DDX59: variants seen among roughly 807,000 people sequenced by gnomAD.
The protein encoded by DDX59 is DEAD-box helicase 59.
Under a neutral mutation model 51.9 loss-of-function variants are expected in DDX59, and 30 were observed. That is an observed-to-expected ratio of 0.58 (90% CI 0.43 to 0.78). DDX59 has a LOEUF of 0.78. Among genes scored for constraint, DDX59 ranks in the 30% least tolerant of loss-of-function variants. The pLI is 0.00. For missense variants in DDX59, 672 were observed against 730.8 expected, an observed-to-expected ratio of 0.92 and a Z score of 0.93; for synonymous variants, 255 against 253.3, an observed-to-expected ratio of 1.01 and a Z score of -0.06.
At chr1:200,668,827 A>G (rs1180214166) in intron 1 of DDX59, among the ~76,000 whole-genome samples, 1 of 152,232 alleles carries the variant, frequency 6.6e-6, no homozygotes, top group African/African-American at 2.4e-5. Flanking sequence ...GGTCTCCACA[A>G]TCCTTTATCT....
intron 5 of DDX59, among the ~76,000 whole-genome samples, chr1:200,649,804 G>A (rs1164611872): frequency 1.3e-5 from 2 of 151,526 alleles, no homozygotes; most frequent in Non-Finnish European, 2.9e-5. Flanking sequence ...AGCTCTACAT[G>A]CTGCTACCAA....
Position 200,666,120 on chromosome 1 carries a change from A to G in DDX59, c.621T>C (p.His207=), listed in dbSNP as rs932070473. Residue 207 remains histidine, a synonymous_variant, in exon 2 of 8, where the codon CAT becomes CAC. Coordinates refer to ENST00000331314, the MANE Select transcript of DDX59 (RefSeq NM_001031725.6). ...EVTRPIIDFE[H]CSLPEVLNHN... Reference sequence around the variant, plus strand: ...GATTTAAGACCTCAGGGAGACTACAATGTTCAAAGTCAATAATGGGCCTGG... The same window carrying G: ...GATTTAAGACCTCAGGGAGACTACAGTGTTCAAAGTCAATAATGGGCCTGG... 33 of 1,614,090 alleles carry G rather than the reference A, an allele frequency of 2.0e-5. No homozygotes were observed. The highest frequency in any genetic ancestry group is 3.3e-5 in the Admixed American group (2 of 60,000).
intron 4 of DDX59, among the ~76,000 whole-genome samples, chr1:200,656,017 A>T (rs1661999923): frequency 6.6e-6 from 1 of 152,134 alleles, no homozygotes; most frequent in South Asian, 2.1e-4. Flanking sequence ...TTTAGTAAAG[A>T]TGGGGTTTCT....
At chr1:200,652,436 C>A (rs894211303) in intron 4 of DDX59, among the ~76,000 whole-genome samples, 1 of 151,950 alleles carries the variant, frequency 6.6e-6, no homozygotes, top group African/African-American at 2.4e-5. Flanking sequence ...TGCAGTGGTG[C>A]CACCTTGGCT....
intron 4 of DDX59, among the ~76,000 whole-genome samples, chr1:200,653,945 C>T (rs1166071656): frequency 6.6e-6 from 1 of 152,210 alleles, no homozygotes; most frequent in African/African-American, 2.4e-5. Flanking sequence ...CTACACGAGA[C>T]AGTTTGTGTG....
intron 5 of DDX59, 37 bp downstream of exon 5, chr1:200,650,388 C>A: frequency 6.4e-7 from 1 of 1,573,288 alleles, no homozygotes; most frequent in Non-Finnish European, 8.6e-7. Context: ...AATGCAAACA[C>A]AATCCATAAA....
At chr1:200,669,295 C>A (rs1001291630) in intron 1 of DDX59, among the ~76,000 whole-genome samples, 1 of 151,362 alleles carries the variant, frequency 6.6e-6, no homozygotes, top group Admixed American at 6.6e-5. Context: ...AAAATTCCAA[C>A]AGAAATGCAA....
rs1661141300 is a variant in DDX59, at chr1:200,644,142, A to T, written c.*112T>A. 2.3e-6 allele frequency: 2 copies of T among 854,592 alleles called. No individual in the cohort carries two copies. Among genetic ancestry groups the T allele is most frequent in the African/African-American group, 1.8e-5 (1 of 56,834 alleles). 52.9% of individuals were successfully genotyped at this position (854,592 alleles called of 1,614,324 possible). On this transcript the variant is annotated 3_prime_UTR_variant, in exon 8 of 8. Transcript: ENST00000331314. ...ACAATATAGTTATATAAATTTTATT[A>T]AATTAAAAATATCTTAAAATTTTTA...
chr1:200,643,798 A>T (rs1170391400), downstream of DDX59, among the ~76,000 whole-genome samples: 1 of 152,166 alleles, frequency 6.6e-6, no homozygotes, highest in Non-Finnish European at 1.5e-5. Flanking sequence ...CTGAGAATGA[A>T]AGTAGACATT....
intron 7 of DDX59, among the ~76,000 whole-genome samples, chr1:200,647,922 C>T (rs1228735128): frequency 4.8e-5 from 7 of 145,696 alleles, no homozygotes; most frequent in African/African-American, 1.8e-4. Context: ...TGCAGTGAGC[C>T]GAGATCATGC....
intron 4 of DDX59, among the ~76,000 whole-genome samples, chr1:200,658,006 G>A (rs1662141120): frequency 6.6e-6 from 1 of 152,200 alleles, no homozygotes; most frequent in Non-Finnish European, 1.5e-5. Flanking sequence ...CTCATGGGAG[G>A]TGGAGTAAAT....
At chr1:200,668,307 C>CA (rs68140421) in intron 1 of DDX59, among the ~76,000 whole-genome samples, 2,011 of 130,834 alleles carry the variant, frequency 0.015, 20 homozygotes, top group East Asian at 0.036. Flanking sequence ...GACTCCGTCT[C>CA]AAAAAAAAAA....
chr1:200,657,591 T>C (rs1304137469), intron 4 of DDX59, among the ~76,000 whole-genome samples: 3 of 151,606 alleles, frequency 2.0e-5, no homozygotes, highest in African/African-American at 4.8e-5. Flanking sequence ...CTACTAAAAA[T>C]ACAAAAAATT....
At chr1:200,665,323 C>T (rs1367083880) in intron 2 of DDX59, among the ~76,000 whole-genome samples, 1 of 151,746 alleles carries the variant, frequency 6.6e-6, no homozygotes, top group Non-Finnish European at 1.5e-5. Flanking sequence ...GGCATGGTGG[C>T]GTATGCCTAT....
chr1:200,645,012 C>T (rs2102830288), intron 7 of DDX59, among the ~76,000 whole-genome samples: 1 of 151,656 alleles, frequency 6.6e-6, no homozygotes. Context: ...CCTCCACCAG[C>T]ATATTTTTAA....
chr1:200,664,454 C>A (rs1382986513), intron 2 of DDX59, among the ~76,000 whole-genome samples: 1 of 152,156 alleles, frequency 6.6e-6, no homozygotes, highest in African/African-American at 2.4e-5. Flanking sequence ...TGGCATGCTA[C>A]CCTTGGTCTT....
intron 2 of DDX59, 35 bp from the exon 3 acceptor site, chr1:200,664,121 A>C: frequency 1.9e-6 from 3 of 1,596,308 alleles, no homozygotes. Context: ...TAAAAACACC[A>C]GCAATTAATT....
downstream of DDX59, chr1:200,643,923 T>C (rs1033807288): frequency 1.1e-5 from 2 of 189,792 alleles, no homozygotes; most frequent in African/African-American, 4.7e-5. Context: ...CTTGTGGAAC[T>C]GTGGGGGAAC....
downstream of DDX59, chr1:200,641,308 T>C: frequency 2.0e-6 from 2 of 1,006,504 alleles, no homozygotes; most frequent in South Asian, 1.4e-5. Context: ...AGGTCGTGGA[T>C]CCAGCTTAGA....
Sources: gnomAD v4.1 joint callset for allele counts (sites outside exome capture counted in the v4.1 genomes callset) on GRCh38, gnomAD v4.1.1 for gene constraint, MANE v1.5 for transcripts, NCBI Gene and HGNC (gene_info 2026-07-23, HGNC 2026-07-21) for gene names.